The following HEXA variants were observed in gnomAD, a reference collection of about 807,000 sequenced individuals.
HEXA encodes the protein hexosaminidase subunit alpha.
Under a neutral mutation model 73.3 loss-of-function variants are expected in HEXA, and 54 were observed. The ratio of observed to expected loss-of-function variants is 0.74; its 90% confidence interval spans 0.59 to 0.92. HEXA has a LOEUF of 0.92. Ranked by LOEUF, HEXA falls within the 40% of genes least tolerant of loss-of-function variation. The pLI is 0.00. For missense variants in HEXA, 649 were observed against 653.0 expected (o/e 0.99, Z 0.07); for synonymous variants, 230 against 246.9 (o/e 0.93, Z 0.64).
At chr15:72,349,726 G>C (rs1476498863) in intron 7 of HEXA, among the ~76,000 whole-genome samples, 1 of 152,178 alleles carries the variant, frequency 6.6e-6, no homozygotes, top group Non-Finnish European at 1.5e-5. Context: ...TCCTGACGCT[G>C]AGGTCACAAG....
At chr15:72,353,651 A>C in intron 4 of HEXA, 40 bp downstream of exon 4, 2 of 1,504,490 alleles carry the variant, frequency 1.3e-6, no homozygotes, top group African/African-American at 1.4e-5. Flanking sequence ...ATCCAACCCC[A>C]GAGATGAAAA....
At chr15:72,360,015 G>T (rs1052013899) in intron 1 of HEXA, 2 of 152,348 alleles carry the variant, frequency 1.3e-5, no homozygotes, top group African/African-American at 2.4e-5. Flanking sequence ...TTTCCCTTCT[G>T]TTCTCAGTCT....
intron 12 of HEXA, 136 bp from the exon 13 acceptor site, chr15:72,345,686 A>T (rs916637573): frequency 6.9e-7 from 1 of 1,458,256 alleles, no homozygotes; most frequent in East Asian, 2.5e-5. Context: ...CCTTGTTATG[A>T]GCCACAGCCA....
At chr15:72,357,276 A>G (rs372354099) in intron 1 of HEXA, 18 of 163,952 alleles carry the variant, frequency 1.1e-4, no homozygotes, top group African/African-American at 4.3e-4. Flanking sequence ...GATCAGGCAG[A>G]GGAGGCCTGA....
At chr15:72,350,696 A>G (rs2088683421) in intron 6 of HEXA, 46 bp from the exon 7 acceptor site, 1 of 1,612,292 alleles carries the variant, frequency 6.2e-7, no homozygotes. Flanking sequence ...CCTGAAAGCT[A>G]GCAGAGTAGA....
chr15:72,366,311 ATT>A (rs200545840), intron 1 of HEXA, among the ~76,000 whole-genome samples: 1 of 142,718 alleles, frequency 7.0e-6, no homozygotes. Flanking sequence ...TATTCACTTA[ATT>A]TTTTTTTTTT....
chr15:72,351,956 T>TCCTTC (rs1408532677), intron 5 of HEXA, among the ~76,000 whole-genome samples: 20 of 139,440 alleles, frequency 1.4e-4, no homozygotes, highest in African/African-American at 5.8e-4. Flanking sequence ...TTCCTTCACT[T>TCCTTC]ATTTATTTAT....
rs2088552674 is a variant in HEXA, at chr15:72,341,307, AC to A, written c.*2769del. On this transcript the variant is annotated 3_prime_UTR_variant, in exon 14 of 14. Transcript: ENST00000268097. ...CTGTGCTCCCACATCCTGATATCCT[AC>A]CCCTACGGCAATCCTTTGAGAAGCA... The A allele has an allele frequency of 6.6e-6, 1 of 151,646 alleles. No homozygotes were observed. The allele number at this position is 151,646 out of a possible 1,614,324, so 9.4% of individuals were successfully genotyped here. A position where few individuals can be genotyped will look rare whatever the true frequency, so the allele number is the denominator to read the frequency against.
intron 5 of HEXA, chr15:72,351,613 A>G (rs1354645044): frequency 3.0e-6 from 1 of 329,152 alleles, no homozygotes; most frequent in Non-Finnish European, 5.8e-6. Flanking sequence ...GACTGATGTT[A>G]AGCCCAACTG....
intron 13 of HEXA, 179 bp downstream of exon 13, chr15:72,345,267 G>T: frequency 8.2e-7 from 1 of 1,218,670 alleles, no homozygotes; most frequent in Non-Finnish European, 1.1e-6. Flanking sequence ...ACCATTTTTT[G>T]TTGTATTTTT....
chr15:72,357,791 T>C (rs2088804937), intron 1 of HEXA: 1 of 152,176 alleles, frequency 6.6e-6, no homozygotes, highest in East Asian at 1.9e-4. Context: ...TCTTGAGCAC[T>C]ACCACATGGC....
At chr15:72,351,408 G>A in intron 5 of HEXA, 174 bp from the exon 6 acceptor site, 1 of 672,378 alleles carries the variant, frequency 1.5e-6, no homozygotes, top group Middle Eastern at 3.0e-4. Flanking sequence ...AGGGAGGGAT[G>A]GCATGGAGGG....
At chr15:72,372,492 T>C (rs1366995822) in intron 1 of HEXA, among the ~76,000 whole-genome samples, 2 of 152,170 alleles carry the variant, frequency 1.3e-5, no homozygotes, top group Non-Finnish European at 2.9e-5. Context: ...ATGGGTGCCA[T>C]TCCAAATTCC....
At chr15:72,360,412 T>C (rs1004963257) in intron 1 of HEXA, 1 of 152,290 alleles carries the variant, frequency 6.6e-6, no homozygotes, top group African/African-American at 2.4e-5. Flanking sequence ...AACTTTCAAC[T>C]ATCCCTACCC....
intron 1 of HEXA, among the ~76,000 whole-genome samples, chr15:72,365,786 T>C (rs2088908337): frequency 6.6e-6 from 1 of 152,252 alleles, no homozygotes; most frequent in African/African-American, 2.4e-5. Context: ...TTTGATCATA[T>C]ATTAAATTCC....
At chr15:72,375,626 A>G (rs2089052949) in intron 1 of HEXA, 94 bp downstream of exon 1, 1 of 1,440,216 alleles carries the variant, frequency 6.9e-7, no homozygotes, top group Non-Finnish European at 9.6e-7. Flanking sequence ...AGGGCTGGAC[A>G]AAAGCCCATA....
At chr15:72,373,495 T>C (rs1315553513) in intron 1 of HEXA, among the ~76,000 whole-genome samples, 1 of 152,190 alleles carries the variant, frequency 6.6e-6, no homozygotes, top group Non-Finnish European at 1.5e-5. Flanking sequence ...GTTTTCATTT[T>C]CTCTCAATGG....
rs121907963 is a variant in HEXA at position 72,346,680 on chromosome 15, G to A, written c.1177C>T (p.Arg393Ter). The change falls in exon 11 of 14, where the codon CGA becomes TGA. Residue 393 changes from arginine to a stop codon, truncating the protein, a stop_gained. Transcript: ENST00000268097. LOFTEE classifies it high-confidence loss of function. ...IQPDTIIQVW[R>*]EDIPVNYMKE... ...ATATAGTTCACTGGAATATCCTCTC[G>A]CCACACCTGTATGATTGTGTCTGGC... 31 of 1,613,928 alleles carry A rather than the reference G, an allele frequency of 1.9e-5. No individual in the cohort carries two copies. Among genetic ancestry groups the A allele is most frequent in the Non-Finnish European group, 2.3e-5 (27 of 1,180,026 alleles).
At chr15:72,345,661 A>G in intron 12 of HEXA, 111 bp from the exon 13 acceptor site, 1 of 1,541,694 alleles carries the variant, frequency 6.5e-7, no homozygotes, top group African/African-American at 1.4e-5. Flanking sequence ...CTCAGGCCAA[A>G]GGAAGTGATC....
Sources: gnomAD v4.1 joint callset for allele counts (sites outside exome capture counted in the v4.1 genomes callset) on GRCh38, gnomAD v4.1.1 for gene constraint, MANE v1.5 for transcripts, NCBI Gene and HGNC (gene_info 2026-07-23, HGNC 2026-07-21) for gene names.